The following PGCKA1 variants were observed in gnomAD, a reference collection of about 807,000 sequenced individuals.
The protein encoded by PGCKA1 is PDCD10 and GCKIII kinases-associated protein 1.
the PGCKA1 span, among the ~76,000 whole-genome samples, chr4:37,583,344 A>G: frequency 1.3e-5 from 2 of 151,520 alleles, no homozygotes; most frequent in African/African-American, 2.4e-5. Flanking sequence ...CCCTTCCCCT[A>G]CCTCCATTGC....
the PGCKA1 span, among the ~76,000 whole-genome samples, chr4:37,585,243 G>A: frequency 1.1e-4 from 1 of 9,318 alleles, no homozygotes; most frequent in African/African-American, 9.4e-4. Flanking sequence ...ATTGAGGGAG[G>A]GGAGGGGAGA....
chr4:37,580,833 C>T, the PGCKA1 span, among the ~76,000 whole-genome samples: 1 of 152,152 alleles, frequency 6.6e-6, no homozygotes, highest in Non-Finnish European at 1.5e-5. Flanking sequence ...TTGTGTCCTT[C>T]CCTTCAGGGT....
At chr4:37,518,872 A>C in the PGCKA1 span, among the ~76,000 whole-genome samples, 1 of 152,124 alleles carries the variant, frequency 6.6e-6, no homozygotes, top group Admixed American at 6.5e-5. Context: ...ATTTTCCCCA[A>C]CGTTTTCCTG....
the PGCKA1 span, among the ~76,000 whole-genome samples, chr4:37,460,263 G>A: frequency 6.6e-5 from 10 of 152,218 alleles, no homozygotes; most frequent in Admixed American, 1.3e-4. Context: ...TTGATTCCAC[G>A]TCTTTGCTAT....
At chr4:37,564,952 C>CCGTACACACACACA in the PGCKA1 span, among the ~76,000 whole-genome samples, 1 of 143,272 alleles carries the variant, frequency 7.0e-6, no homozygotes, top group Non-Finnish European at 1.6e-5. Context: ...AGATTCCACC[C>CCGTACACACACACA]CGTACACACA....
At chr4:37,525,881 CCATT>C in the PGCKA1 span, among the ~76,000 whole-genome samples, 2 of 152,152 alleles carry the variant, frequency 1.3e-5, no homozygotes, top group Admixed American at 1.3e-4. Context: ...CTCATTTCTG[CCATT>C]CATTAATTCA....
At chr4:37,473,557 T>A in the PGCKA1 span, among the ~76,000 whole-genome samples, 54 of 152,244 alleles carry the variant, frequency 3.5e-4, no homozygotes, top group Admixed American at 5.9e-4. Context: ...TTATAGTTGA[T>A]CTCAATTCAA....
chr4:37,534,001 G>A, the PGCKA1 span, among the ~76,000 whole-genome samples: 6 of 152,160 alleles, frequency 3.9e-5, no homozygotes, highest in South Asian at 4.1e-4. Flanking sequence ...AGGAAACCCC[G>A]ATCAAAGTTT....
At chr4:37,573,337 C>CAAA in the PGCKA1 span, among the ~76,000 whole-genome samples, 1 of 152,166 alleles carries the variant, frequency 6.6e-6, no homozygotes, top group Non-Finnish European at 1.5e-5. Flanking sequence ...TAAGAAGAAG[C>CAAA]ATTATCCCCA....
the PGCKA1 span, among the ~76,000 whole-genome samples, chr4:37,462,630 A>G: frequency 2.0e-5 from 3 of 152,178 alleles, no homozygotes; most frequent in Non-Finnish European, 4.4e-5. Flanking sequence ...GCAACAAACC[A>G]CACTTCAAAT....
chr4:37,506,989 T>C, the PGCKA1 span, among the ~76,000 whole-genome samples: 16,571 of 152,086 alleles, frequency 0.11, 1,218 homozygotes, highest in South Asian at 0.27. Context: ...TATTTATAAT[T>C]ACTGTATCCT....
chr4:37,515,540 G>A, the PGCKA1 span, among the ~76,000 whole-genome samples: 11 of 152,178 alleles, frequency 7.2e-5, no homozygotes, highest in African/African-American at 2.7e-4. Flanking sequence ...TGCTTACCTT[G>A]TACCATACTA....
the PGCKA1 span, among the ~76,000 whole-genome samples, chr4:37,578,334 GA>G: frequency 6.6e-6 from 1 of 152,128 alleles, no homozygotes; most frequent in Non-Finnish European, 1.5e-5. Context: ...GTTTTGTCTT[GA>G]AATCTATTTT....
chr4:37,553,603 G>T, the PGCKA1 span, among the ~76,000 whole-genome samples: 1 of 152,020 alleles, frequency 6.6e-6, no homozygotes, highest in Non-Finnish European at 1.5e-5. Flanking sequence ...AGAAAATAAT[G>T]CTGCCAATGT....
chr4:37,458,350 T>C, the PGCKA1 span, among the ~76,000 whole-genome samples: 50 of 152,294 alleles, frequency 3.3e-4, no homozygotes, highest in Admixed American at 2.4e-3. Flanking sequence ...AAATTACTTA[T>C]ATATTCAGTA....
the PGCKA1 span, among the ~76,000 whole-genome samples, chr4:37,581,396 C>T: frequency 5.9e-5 from 9 of 151,626 alleles, no homozygotes; most frequent in African/African-American, 1.5e-4. This position sits in a 1 kb window ranked among gnomAD's most constrained non-coding sequence, Gnocchi z 4.4. Flanking sequence ...AGGCCCATAG[C>T]GTACTACCTG....
chr4:37,459,066 G>C, the PGCKA1 span, among the ~76,000 whole-genome samples: 1 of 152,096 alleles, frequency 6.6e-6, no homozygotes, highest in South Asian at 2.1e-4. Flanking sequence ...GTACCACGAC[G>C]GAGCTCTGCC....
chr4:37,532,204 T>A, the PGCKA1 span, among the ~76,000 whole-genome samples: 1 of 152,182 alleles, frequency 6.6e-6, no homozygotes. Context: ...TAATGCAAAT[T>A]AAACTTAAAA....
chr4:37,554,228 G>C, the PGCKA1 span, among the ~76,000 whole-genome samples: 1 of 152,300 alleles, frequency 6.6e-6, no homozygotes, highest in East Asian at 1.9e-4. Flanking sequence ...GGCCTCCCCA[G>C]CCACGTGGAA....
Sources: allele counts gnomAD v4.1 joint callset (sites outside exome capture counted in the v4.1 genomes callset), GRCh38; gene constraint gnomAD v4.1.1; non-coding constraint Gnocchi (gnomAD v3.1); transcripts MANE v1.5; gene names NCBI Gene and HGNC (gene_info 2026-07-23, HGNC 2026-07-21).